The following ZNRF1 variants were observed in gnomAD, a reference collection of about 807,000 sequenced individuals.
ZNRF1 encodes the protein zinc and ring finger 1, also known as E3 ubiquitin-protein ligase ZNRF1.
In ZNRF1, 3 loss-of-function variants were observed where a neutral mutation model predicts 18.4. The ratio of observed to expected loss-of-function variants is 0.16; its 90% confidence interval spans 0.07 to 0.42. ZNRF1 has a LOEUF of 0.42. Ranked by LOEUF, ZNRF1 falls within the 10% of genes least tolerant of loss-of-function variation. The pLI is 0.99. For synonymous variants in ZNRF1, 157 were observed against 144.2 expected (o/e 1.09, Z -0.64); for missense variants, 310 against 329.8 (o/e 0.94, Z 0.47).
chr16:75,060,770 G>A (rs925388866), intron 1 of ZNRF1, among the ~76,000 whole-genome samples: 1 of 152,152 alleles, frequency 6.6e-6, no homozygotes, highest in African/African-American at 2.4e-5. Context: ...GAGCCACCGC[G>A]CCCGGCCAGA....
intron 1 of ZNRF1, among the ~76,000 whole-genome samples, chr16:75,045,969 C>G (rs1234040045): frequency 6.6e-6 from 1 of 152,022 alleles, no homozygotes; most frequent in Non-Finnish European, 1.5e-5. Context: ...ATGGCACGAT[C>G]TCAGCTCATT....
intron 1 of ZNRF1, among the ~76,000 whole-genome samples, chr16:75,076,528 A>G (rs1225865230): frequency 6.6e-6 from 1 of 151,578 alleles, no homozygotes; most frequent in African/African-American, 2.4e-5. Flanking sequence ...CAACTTAATA[A>G]CTAGAATACA....
chr16:75,064,196 G>C (rs1251878634), intron 1 of ZNRF1, among the ~76,000 whole-genome samples: 1 of 152,130 alleles, frequency 6.6e-6, no homozygotes, highest in East Asian at 1.9e-4. Context: ...AGCTACTTGA[G>C]AGGCTGAGTT....
At chr16:75,019,475 A>G (rs991746817) in intron 1 of ZNRF1, among the ~76,000 whole-genome samples, 1 of 152,178 alleles carries the variant, frequency 6.6e-6, no homozygotes, top group Non-Finnish European at 1.5e-5. Flanking sequence ...AACAGTCTGT[A>G]TGATACTGAT....
chr16:75,049,845 TTGTGTGTGTG>T (rs56377786), intron 1 of ZNRF1, among the ~76,000 whole-genome samples: 25 of 149,276 alleles, frequency 1.7e-4, no homozygotes, highest in African/African-American at 5.4e-4. Context: ...ATGCACCCAT[TTGTGTGTGTG>T]TGTGTGTGTG....
At chr16:75,019,505 C>T (rs187552208) in intron 1 of ZNRF1, among the ~76,000 whole-genome samples, 11 of 152,014 alleles carry the variant, frequency 7.2e-5, no homozygotes, top group African/African-American at 1.7e-4. Flanking sequence ...TTTATTTATA[C>T]TTAATTTGTG....
At position 75,106,895 on chromosome 16, in the gene ZNRF1, G is replaced by C. The variant is rs1348642700; in HGVS notation, c.*32+324G>C. 1.1e-5 allele frequency: 3 copies of C among 263,748 alleles called. No individual in the cohort carries two copies. The South Asian group carries it at 1.5e-4, about 13-fold the overall frequency. The allele number at this position is 263,748 out of a possible 1,614,324, so 16.3% of individuals were successfully genotyped here. A position where few individuals can be genotyped will look rare whatever the true frequency, so the allele number is the denominator to read the frequency against. On this transcript the variant is annotated intron_variant, in intron 4 of 4. Coordinates refer to ENST00000335325, the MANE Select transcript of ZNRF1 (RefSeq NM_032268.5). ...TGTGCACGGGCAGGAAAAGGAGCCT[G>C]AGCGGTGGGTTTGTGCCTGGCTTGG... is the stretch of plus-strand genomic sequence containing the variant.
chr16:75,041,919 C>T (rs2035453076), intron 1 of ZNRF1, among the ~76,000 whole-genome samples: 1 of 152,016 alleles, frequency 6.6e-6, no homozygotes, highest in Non-Finnish European at 1.5e-5. Flanking sequence ...TCACTTGAAC[C>T]TGGGAGACGG....
At chr16:75,014,182 A>G (rs559663905) in intron 1 of ZNRF1, among the ~76,000 whole-genome samples, 36 of 152,302 alleles carry the variant, frequency 2.4e-4, no homozygotes, top group African/African-American at 7.0e-4. Context: ...GAAAGATAAT[A>G]TGCTCACCTA....
intron 1 of ZNRF1, among the ~76,000 whole-genome samples, chr16:75,002,863 C>T (rs1004702767): frequency 4.6e-5 from 7 of 152,214 alleles, no homozygotes; most frequent in South Asian, 2.1e-4. Flanking sequence ...GTTCTTCACA[C>T]GAATTTCTCT....
intron 1 of ZNRF1, among the ~76,000 whole-genome samples, chr16:75,078,836 A>T (rs755372406): frequency 2.6e-5 from 4 of 152,300 alleles, no homozygotes; most frequent in Non-Finnish European, 5.9e-5. Context: ...ACTGACATAT[A>T]CTTGGTTTTA....
At chr16:75,093,464 C>T (rs565896341) in intron 1 of ZNRF1, 108 bp from the exon 2 acceptor site, 95 of 800,522 alleles carry the variant, frequency 1.2e-4, no homozygotes, top group Non-Finnish European at 1.9e-4. Context: ...GATGGTCATC[C>T]TCCACATTGA....
chr16:75,010,364 A>G (rs1489986753), intron 1 of ZNRF1, among the ~76,000 whole-genome samples: 1 of 152,190 alleles, frequency 6.6e-6, no homozygotes, highest in Non-Finnish European at 1.5e-5. Flanking sequence ...AGCCAACACT[A>G]GTGACTGTAA....
intron 1 of ZNRF1, among the ~76,000 whole-genome samples, chr16:75,038,558 G>C (rs1200639031): frequency 6.6e-6 from 1 of 152,190 alleles, no homozygotes; most frequent in Non-Finnish European, 1.5e-5. Flanking sequence ...CAGGAGAGGG[G>C]ACATTGCTGA....
intron 1 of ZNRF1, among the ~76,000 whole-genome samples, chr16:75,053,425 C>T (rs1349545103): frequency 1.3e-5 from 2 of 151,920 alleles, no homozygotes; most frequent in Non-Finnish European, 2.9e-5. Context: ...CCTGTCTCTA[C>T]TAAAAATACA....
At chr16:75,038,188 A>G (rs545466223) in intron 1 of ZNRF1, among the ~76,000 whole-genome samples, 18 of 152,318 alleles carry the variant, frequency 1.2e-4, no homozygotes, top group Non-Finnish European at 2.2e-4. Flanking sequence ...ATGACTTGGG[A>G]ATTCAGGCAG....
In ZNRF1 at chr16:75,097,816, A is replaced by C. The variant is rs545029434; in HGVS notation, c.520+4149A>C. On this transcript the variant is annotated intron_variant, in intron 2 of 4. Transcript: ENST00000335325. The stretch of plus-strand genomic sequence containing the variant: ...AGGCAACAGAGCTTGACCCTGTCTC[A>C]AAAAATAAAATATAAAATAAAAATG... Among the ~76,000 whole-genome samples, 27 of 152,324 alleles carry C rather than the reference A, an allele frequency of 1.8e-4. 2 individuals carry two copies. In the South Asian group the frequency reaches 5.6e-3, roughly 32 times the overall value.
intron 1 of ZNRF1, among the ~76,000 whole-genome samples, chr16:75,069,837 A>G (rs1221273549): frequency 6.6e-6 from 1 of 152,162 alleles, no homozygotes; most frequent in East Asian, 1.9e-4. Context: ...TCACATTCCT[A>G]GAACTTGGTA....
In ZNRF1 at chr16:75,027,272, T is replaced by TA. The variant is rs954113158; in HGVS notation, c.424+27187dup. ...GGCAACATAGCAAGACCCTGTCTCTTAAAAAAAAAAGAAAATAAAAGTGCT... is the reference window on the plus strand; with the variant it reads ...GGCAACATAGCAAGACCCTGTCTCTTAAAAAAAAAAAGAAAATAAAAGTGCT... On this transcript the variant is annotated intron_variant, in intron 1 of 4. Transcript: ENST00000335325. 6.5e-3 allele frequency among the ~76,000 whole-genome samples: 965 copies of TA among 148,946 alleles called. 3 individuals carry two copies. The highest frequency in any genetic ancestry group is 0.019 in the African/African-American group (786 of 40,714).
Sources: allele counts gnomAD v4.1 joint callset (sites outside exome capture counted in the v4.1 genomes callset), GRCh38; gene constraint gnomAD v4.1.1; transcripts MANE v1.5; gene names NCBI Gene and HGNC (gene_info 2026-07-23, HGNC 2026-07-21).